Variants in GABRA3 observed in about 807,000 individuals in gnomAD.
The protein encoded by GABRA3 is gamma-aminobutyric acid receptor subunit alpha-3.
GABRA3 carries 10 observed loss-of-function variants against 30.1 expected under a neutral mutation model. The observed-to-expected ratio is 0.33, with a 90% confidence interval of 0.20 to 0.56. The LOEUF (loss-of-function observed/expected upper bound fraction) is 0.56. Among genes scored for constraint, GABRA3 ranks in the 20% least tolerant of loss-of-function variants. The pLI is 0.89. For synonymous variants in GABRA3, 151 were observed against 146.8 expected, an observed-to-expected ratio of 1.03 and a Z score of -0.21; for missense variants, 233 against 392.0, an observed-to-expected ratio of 0.59 and a Z score of 3.42.
intron 3 of GABRA3, among the ~76,000 whole-genome samples, chrX:152,326,676 G>A (rs1940064774): frequency 9.0e-6 from 1 of 111,337 alleles, no homozygotes; most frequent in Admixed American, 9.6e-5. Flanking sequence ...TCACCACCAG[G>A]CCTGCCCTAA....
At chrX:152,181,820 AT>A (rs1202436605) in intron 9 of GABRA3, among the ~76,000 whole-genome samples, 1 of 92,288 alleles carries the variant, frequency 1.1e-5, no homozygotes, top group Non-Finnish European at 2.1e-5. Context: ...TTAAAGTATA[AT>A]AATAAAAAAA....
chrX:152,240,193 G>T (rs189777585), intron 5 of GABRA3, among the ~76,000 whole-genome samples: 2,184 of 104,794 alleles, frequency 0.021, 31 homozygotes, highest in Middle Eastern at 0.033. Context: ...AGGCCTGGTG[G>T]TGACAAAATC....
At chrX:152,262,257 G>A (rs1178236252) in intron 4 of GABRA3, among the ~76,000 whole-genome samples, 5 of 112,545 alleles carry the variant, frequency 4.4e-5, no homozygotes, top group Admixed American at 9.4e-5. Flanking sequence ...ACATGTCCTG[G>A]AGATATTTTA....
chrX:152,309,015 T>A (rs1310006325), intron 3 of GABRA3, among the ~76,000 whole-genome samples: 1 of 112,328 alleles, frequency 8.9e-6, no homozygotes, highest in African/African-American at 3.2e-5. Context: ...AACAGCAGAA[T>A]AGAGAAAACT....
intron 7 of GABRA3, among the ~76,000 whole-genome samples, chrX:152,198,276 T>C (rs1937414322): frequency 8.9e-6 from 1 of 111,857 alleles, no homozygotes; most frequent in Admixed American, 9.5e-5. Context: ...CCCAGGTAGG[T>C]TGTCCACAGT....
intron 4 of GABRA3, among the ~76,000 whole-genome samples, chrX:152,270,836 C>A (rs1283750202): frequency 3.1e-4 from 32 of 103,098 alleles, no homozygotes; most frequent in Admixed American, 1.7e-3. Context: ...GCCTGGGTGA[C>A]AGAGTGAGAT....
At chrX:152,442,123 A>G (rs1930947049) in intron 1 of GABRA3, among the ~76,000 whole-genome samples, 1 of 111,854 alleles carries the variant, frequency 8.9e-6, no homozygotes, top group Non-Finnish European at 1.9e-5. Context: ...TGAATCAGTA[A>G]GAAGAAGCAA....
chrX:152,299,041 G>A (rs989751426), intron 3 of GABRA3, among the ~76,000 whole-genome samples: 1 of 111,952 alleles, frequency 8.9e-6, no homozygotes, highest in Admixed American at 9.5e-5. Context: ...CCTAAGAAGT[G>A]TTTGGAACAT....
At chrX:152,236,030 C>T (rs1402328571) in intron 5 of GABRA3, among the ~76,000 whole-genome samples, 7 of 92,202 alleles carry the variant, frequency 7.6e-5, no homozygotes, top group African/African-American at 2.8e-4. Context: ...TTTTAGGGTA[C>T]ATGTGCACAT....
intron 5 of GABRA3, among the ~76,000 whole-genome samples, chrX:152,238,443 T>A (rs1429002874): frequency 9.3e-6 from 1 of 107,188 alleles, no homozygotes; most frequent in African/African-American, 3.4e-5. Context: ...AGGATATTGG[T>A]CTAAAATTCT....
intron 5 of GABRA3, among the ~76,000 whole-genome samples, chrX:152,234,150 A>T (rs2124391735): frequency 9.2e-6 from 1 of 109,013 alleles, no homozygotes; most frequent in African/African-American, 3.3e-5. Flanking sequence ...TACATGTGTA[A>T]CTAAGCTGCA....
intron 6 of GABRA3, among the ~76,000 whole-genome samples, chrX:152,215,919 G>A (rs1937711841): frequency 9.0e-6 from 1 of 110,639 alleles, no homozygotes; most frequent in South Asian, 3.7e-4. Context: ...TTTAAAAATG[G>A]GCAAAAGACC....
At chrX:152,315,742 G>A (rs1238834627) in intron 3 of GABRA3, among the ~76,000 whole-genome samples, 1 of 110,280 alleles carries the variant, frequency 9.1e-6, no homozygotes, top group African/African-American at 3.3e-5. Context: ...CCACTTCCCT[G>A]ACAACCTGCA....
intron 2 of GABRA3, among the ~76,000 whole-genome samples, chrX:152,354,586 A>C (rs921851533): frequency 1.8e-5 from 2 of 111,832 alleles, no homozygotes; most frequent in African/African-American, 6.5e-5. Flanking sequence ...AGCATGGAGT[A>C]TATCTGAAAG....
At chrX:152,174,335 T>G (rs1187651737) in intron 9 of GABRA3, among the ~76,000 whole-genome samples, 2 of 111,855 alleles carry the variant, frequency 1.8e-5, no homozygotes, top group East Asian at 5.6e-4. Context: ...CAAATGGTAT[T>G]TCTAGTTCTA....
chrX:152,399,185 G>A (rs922784959), intron 1 of GABRA3, among the ~76,000 whole-genome samples: 2 of 111,540 alleles, frequency 1.8e-5, no homozygotes, highest in African/African-American at 6.5e-5. Context: ...CAGGCTAGGT[G>A]AGTATAATGC....
intron 3 of GABRA3, among the ~76,000 whole-genome samples, chrX:152,287,404 G>A (rs749051211): frequency 9.0e-6 from 1 of 110,685 alleles, no homozygotes; most frequent in African/African-American, 3.3e-5. Flanking sequence ...TTTTCCCCAT[G>A]CTGTTCTCAT....
chrX:152,241,237 G>A (rs1352595184), intron 5 of GABRA3, among the ~76,000 whole-genome samples: 1 of 96,209 alleles, frequency 1.0e-5, no homozygotes, highest in East Asian at 3.1e-4. Flanking sequence ...TCAGCTGCAG[G>A]TCTGTTGGAA....
At chrX:152,169,729 G>C (rs145624054) in intron 9 of GABRA3, among the ~76,000 whole-genome samples, 39 of 111,844 alleles carry the variant, frequency 3.5e-4, no homozygotes, top group African/African-American at 1.1e-3. Flanking sequence ...AGTGGGTATA[G>C]ATGAGCTTCA....
Sources: allele counts gnomAD v4.1 joint callset (sites outside exome capture counted in the v4.1 genomes callset), GRCh38; gene constraint gnomAD v4.1.1; transcripts MANE v1.5; gene names NCBI Gene and HGNC (gene_info 2026-07-23, HGNC 2026-07-21).